SELENOH: variants seen among roughly 807,000 people sequenced by gnomAD.
The protein encoded by SELENOH is selenoprotein H, also known as chromosome 11 open reading frame 31.
In SELENOH, 13 loss-of-function variants were observed where a neutral mutation model predicts 11.9. The observed-to-expected ratio is 1.09, with a 90% CI of 0.71 to 1.74. The LOEUF is 1.74. SELENOH is among the 40% of genes most tolerant of loss of function. SELENOH has a pLI of 0.00. For synonymous variants in SELENOH, 96 were observed against 73.5 expected (o/e 1.31, Z -1.56); for missense variants, 223 against 170.3 (o/e 1.31, Z -1.72).
chr11:57,741,587 C>T lies in SELENOH; in HGVS notation c.-9C>T, dbSNP rs1160757638. 7.1e-6 allele frequency: 9 copies of T among 1,264,148 alleles called. No homozygotes were observed. In the Admixed American group the frequency reaches 1.9e-4, roughly 27 times the overall value. The allele number at this position is 1,264,148 out of a possible 1,614,324, so 78.3% of individuals were successfully genotyped here. A position where few individuals can be genotyped will look rare whatever the true frequency, so the allele number is the denominator to read the frequency against. On this transcript the variant is annotated 5_prime_UTR_variant, in exon 1 of 4. Coordinates refer to ENST00000534355, the MANE Select transcript of SELENOH (RefSeq NM_170746.4). ...GTCCCGCTGCATTCTCGGCCGGGCT[C>T]TAGGCGCCATGGCTCCCCGCGGGAG...
rs775950565 is a variant in SELENOH at position 57,741,642 on chromosome 11, C to T, written c.47C>T (p.Ala16Val). Residue 16 changes from alanine to valine, a missense_variant, in exon 1 of 4, where the codon GCC becomes GTC. Physicochemically the swap from Ala to Val is moderately conservative, Grantham distance 64. Transcript: ENST00000534355. The part of the protein sequence containing the change: ...RKRKAEAAVV[A>V]VAEKREKLAN... ...CGTAAGGCTGAGGCCGCGGTGGTCG[C>T]CGTAGCCGAGAAGCGAGAGAAGCTG... The T allele has an allele frequency of 4.4e-6, 6 of 1,375,392 alleles. No homozygotes were observed. The highest frequency in any genetic ancestry group is 1.8e-5 in the South Asian group (1 of 54,184). The allele number at this position is 1,375,392 out of a possible 1,614,324, so 85.2% of individuals were successfully genotyped here. A position where few individuals can be genotyped will look rare whatever the true frequency, so the allele number is the denominator to read the frequency against.
Position 57,741,842 on chromosome 11 carries a change from G to A in SELENOH, c.156G>A (p.Ala52=), listed in dbSNP as rs1201269535. 1.2e-6 allele frequency: 2 copies of A among 1,606,282 alleles called. No individual in the cohort carries two copies. The highest frequency in any genetic ancestry group is 2.2e-5 in the South Asian group (2 of 89,872). ...GACGCGTCTATGGGCGCAACGCCGC[G>A]GCCCTGAGCCAGGCGCTGCGCCTGG... The part of the protein sequence containing the change: ...TSURVYGRNA[A]ALSQALRLEA... Residue 52 remains alanine, a synonymous_variant, in exon 2 of 4, where the codon GCG becomes GCA. Coordinates refer to ENST00000534355, the MANE Select transcript of SELENOH (RefSeq NM_170746.4).
chr11:57,742,347 C>T (rs1040653789), intron 3 of SELENOH, 100 bp downstream of exon 3: 9 of 837,908 alleles, frequency 1.1e-5, no homozygotes, highest in South Asian at 3.4e-5. Flanking sequence ...TAGCTCACGC[C>T]TGCAATCCCA....
At chr11:57,742,574 C>T (rs1229989062) in intron 3 of SELENOH, 2 of 289,304 alleles carry the variant, frequency 6.9e-6, no homozygotes, top group South Asian at 3.9e-5. Flanking sequence ...CTTATCCCTA[C>T]CCTCTTCTGT....
rs1275682525 is a variant in SELENOH, at chr11:57,741,875, A to C, written c.189A>C (p.Pro63=). The change falls in exon 2 of 4, where the codon CCA becomes CCC. Residue 63 remains proline (P), a synonymous_variant. Coordinates refer to ENST00000534355, the MANE Select transcript of SELENOH (RefSeq NM_170746.4). ...ALSQALRLEA[P]ELPVKVNPTK... The stretch of plus-strand genomic sequence containing the variant: ...GCCAGGCGCTGCGCCTGGAGGCCCC[A>C]GAGCTTCCAGTAAAGGTGAACCCGA... The C allele has an allele frequency of 1.2e-6, 2 of 1,600,224 alleles. No homozygotes were observed. The highest frequency in any genetic ancestry group is 1.7e-6 in the Non-Finnish European group (2 of 1,175,956).
chr11:57,742,424 CAAAA>C, intron 3 of SELENOH, 177 bp downstream of exon 3: 3 of 571,348 alleles, frequency 5.3e-6, no homozygotes, highest in African/African-American at 1.9e-5. Flanking sequence ...AAACAAAAAA[CAAAA>C]AAAAGACACA....
At chr11:57,742,045 C>A (rs1949097098) in intron 2 of SELENOH, 72 bp from the exon 3 acceptor site, 2 of 1,582,534 alleles carry the variant, frequency 1.3e-6, no homozygotes, top group South Asian at 1.1e-5. Context: ...GAAACCACGG[C>A]AGTCTCATGA....
In SELENOH at chr11:57,741,626, G is replaced by C. The variant is rs1376408903; in HGVS notation, c.31G>C (p.Glu11Gln). 3 of 1,315,730 alleles carry C rather than the reference G, an allele frequency of 2.3e-6. No individual in the cohort carries two copies. The highest frequency in any genetic ancestry group is 2.9e-6 in the Non-Finnish European group (3 of 1,024,654). The allele number at this position is 1,315,730 out of a possible 1,614,324, so 81.5% of individuals were successfully genotyped here. A position where few individuals can be genotyped will look rare whatever the true frequency, so the allele number is the denominator to read the frequency against. The change falls in exon 1 of 4, where the codon GAG becomes CAG. Residue 11 changes from glutamate to glutamine, a missense_variant. Coordinates refer to ENST00000534355, the MANE Select transcript of SELENOH (RefSeq NM_170746.4). ...TCCCCGCGGGAGGAAGCGTAAGGCT[G>C]AGGCCGCGGTGGTCGCCGTAGCCGA... MAPRGRKRKAEAAVVAVAEKR... is the reference protein window; with the variant it reads MAPRGRKRKAQAAVVAVAEKR...
intron 3 of SELENOH, 114 bp downstream of exon 3, chr11:57,742,361 C>G: frequency 4.1e-6 from 3 of 739,042 alleles, no homozygotes; most frequent in Non-Finnish European, 6.7e-6. Flanking sequence ...AATCCCAGCA[C>G]TCTGGGAGGT....
chr11:57,742,512 G>T, intron 3 of SELENOH: 1 of 386,806 alleles, frequency 2.6e-6, no homozygotes, highest in Non-Finnish European at 4.7e-6. Flanking sequence ...TTGCCCTGGG[G>T]GTATGGACAA....
In SELENOH at chr11:57,742,248, G is replaced by C; in HGVS notation, c.*30+1G>C. 2.6e-6 allele frequency: 4 copies of C among 1,566,908 alleles called. No individual in the cohort carries two copies. The highest frequency in any genetic ancestry group is 3.5e-6 in the Non-Finnish European group (4 of 1,149,360). ...TTTGGGTAGAAGCCCTCATGCTGAG[G>C]TTTGAAATGGGAAGTGGGGGGCGCG... On this transcript the variant is annotated splice_donor_variant, in intron 3 of 3. Transcript: ENST00000534355. LOFTEE classifies it low-confidence loss of function (3UTR_SPLICE).
chr11:57,742,316 C>T, intron 3 of SELENOH, 69 bp downstream of exon 3: 11 of 1,191,550 alleles, frequency 9.2e-6, no homozygotes, highest in Non-Finnish European at 1.3e-5. Flanking sequence ...GGTGTGGCTA[C>T]AAGTACCCAC....
At chr11:57,741,994 G>A in intron 2 of SELENOH, 40 bp downstream of exon 2, 1 of 1,579,122 alleles carries the variant, frequency 6.3e-7, no homozygotes, top group Non-Finnish European at 8.6e-7. Context: ...GGACGTGGGT[G>A]AAAGGGACGT....
rs1565240632 is a variant in SELENOH, at chr11:57,742,198, T to G, written c.350T>G (p.Leu117Trp). 6.2e-7 allele frequency: 1 copy of G among 1,610,450 alleles called. No homozygotes were observed. Residue 117 changes from leucine to tryptophan, a missense_variant, in exon 3 of 4, where the codon TTG (leucine) becomes TGG (tryptophan). Transcript: ENST00000534355. ...FPEPQEVVEELKKYLS is the reference protein window; with the variant it reads ...FPEPQEVVEEWKKYLS ...GAGCCTCAAGAGGTGGTGGAAGAGT[T>G]GAAGAAGTACCTGTCGTAGGGAGAT...
chr11:57,741,871 C>T lies in SELENOH; in HGVS notation c.185C>T (p.Ala62Val), dbSNP rs1430294444. The T allele has an allele frequency of 6.2e-7, 1 of 1,600,212 alleles. No individual in the cohort carries two copies. Among genetic ancestry groups the T allele is most frequent in the Admixed American group, 1.8e-5 (1 of 56,454 alleles). Residue 62 changes from alanine to valine, a missense_variant, in exon 2 of 4, where the codon GCC becomes GTC. Physicochemically the swap from Ala to Val is moderately conservative, Grantham distance 64. Transcript: ENST00000534355. The stretch of plus-strand genomic sequence containing the variant: ...CTGAGCCAGGCGCTGCGCCTGGAGG[C>T]CCCAGAGCTTCCAGTAAAGGTGAAC... ...AALSQALRLE[A>V]PELPVKVNPT...
At chr11:57,741,765 G>A (rs759950859) in intron 1 of SELENOH, 44 bp from the exon 2 acceptor site, 33 of 1,600,614 alleles carry the variant, frequency 2.1e-5, no homozygotes, top group Middle Eastern at 1.7e-4. Context: ...TGGCGCCGGG[G>A]GGGGCCAGGG....
chr11:57,743,185 C>T lies in SELENOH; in HGVS notation c.*353C>T, dbSNP rs953739464. On this transcript the variant is annotated 3_prime_UTR_variant, in exon 4 of 4. Coordinates refer to ENST00000534355, the MANE Select transcript of SELENOH (RefSeq NM_170746.4). ...TTTTTTTTTAAGAGCCAGAGTCTCACTTTGTCACCCATGCTGGAGTATAGT... is the reference window on the plus strand; with the variant it reads ...TTTTTTTTTAAGAGCCAGAGTCTCATTTTGTCACCCATGCTGGAGTATAGT... 13 of 152,276 alleles carry T rather than the reference C, an allele frequency of 8.5e-5. No homozygotes were observed. The highest frequency in any genetic ancestry group is 6.5e-5 in the Admixed American group (1 of 15,294). 9.4% of individuals were successfully genotyped at this position (152,276 alleles called of 1,614,324 possible). A position where few individuals can be genotyped will look rare whatever the true frequency, so the allele number is the denominator to read the frequency against.
At chr11:57,742,795 T>C (rs1949122542) in intron 3 of SELENOH, 68 bp from the exon 4 acceptor site, 1 of 154,286 alleles carries the variant, frequency 6.5e-6, no homozygotes, top group African/African-American at 2.4e-5. Context: ...TTGGGGAACA[T>C]GTCTTCCTCA....
In SELENOH at chr11:57,741,540, C is replaced by G. The variant is rs1435328613; in HGVS notation, c.-56C>G. ...TTGCCCAGTTTCCGCTCAGTGGTCG[C>G]GTCTCCGCCCCCCACCCACCAGTCC... On this transcript the variant is annotated 5_prime_UTR_variant, in exon 1 of 4. Coordinates refer to ENST00000534355, the MANE Select transcript of SELENOH (RefSeq NM_170746.4). The G allele has an allele frequency of 8.1e-7, 1 of 1,234,644 alleles. No homozygotes were observed. The highest frequency in any genetic ancestry group is 1.0e-6 in the Non-Finnish European group (1 of 981,924). The allele number at this position is 1,234,644 out of a possible 1,614,324, so 76.5% of individuals were successfully genotyped here. A position where few individuals can be genotyped will look rare whatever the true frequency, so the allele number is the denominator to read the frequency against.
Sources: allele counts gnomAD v4.1 joint callset, GRCh38; gene constraint gnomAD v4.1.1; transcripts MANE v1.5; gene names NCBI Gene and HGNC (gene_info 2026-07-23, HGNC 2026-07-21).